GCNT2: variants seen among roughly 807,000 people sequenced by gnomAD.
The protein encoded by GCNT2 is glucosaminyl (N-acetyl) transferase 2 (I blood group), also known as N-acetyllactosaminide beta-1,6-N-acetylglucosaminyl-transferase.
GCNT2 carries 34 observed loss-of-function variants against 34.2 expected under a neutral mutation model. The ratio of observed to expected loss-of-function variants is 1.00; its 90% CI spans 0.76 to 1.32. GCNT2 has a LOEUF of 1.32. Ranked by LOEUF, GCNT2 falls within the 40% of genes most tolerant of loss-of-function variation. GCNT2 has a pLI of 0.00. For synonymous variants in GCNT2, 212 were observed against 188.0 expected, an observed-to-expected ratio of 1.13 and a Z score of -1.04; for missense variants, 584 against 489.4, an observed-to-expected ratio of 1.19 and a Z score of -1.82.
In GCNT2 at chr6:10,628,427, A is replaced by G. The variant is rs1766355605; in HGVS notation, c.*1820A>G. ...ACCTTTTTTCTTGCTACTGAAAAAA[A>G]TGGAGTTGTTTTGGGTGGTAAAGTG... On this transcript the variant is annotated 3_prime_UTR_variant, in exon 5 of 5. Transcript: ENST00000495262. 6.6e-6 allele frequency: 1 copy of G among 152,144 alleles called. No individual in the cohort carries two copies. Among genetic ancestry groups the G allele is most frequent in the Admixed American group, 6.6e-5 (1 of 15,266 alleles). 9.4% of individuals were successfully genotyped at this position (152,144 alleles called of 1,614,324 possible).
Position 10,540,587 on chromosome 6 carries a change from C to T in GCNT2, c.925+10751C>T, listed in dbSNP as rs372256892. Among the ~76,000 whole-genome samples, 20 of 152,102 alleles carry T rather than the reference C, an allele frequency of 1.3e-4. No individual in the cohort carries two copies. In the East Asian group the frequency reaches 3.9e-3, roughly 29 times the overall value. On this transcript the variant is annotated intron_variant, in intron 3 of 4. Coordinates refer to ENST00000495262, the MANE Select transcript of GCNT2 (RefSeq NM_145649.5). ...AGCACACCAAATGTGAGCAGGCAAC[C>T]TAATGATTGGCCCAGGACCTAGACT...
intron 3 of GCNT2, chr6:10,573,083 C>A: frequency 1.8e-6 from 1 of 568,950 alleles, no homozygotes; most frequent in Non-Finnish European, 2.2e-6. Flanking sequence ...TGCAAGAAAT[C>A]ACTGCCTATC....
chr6:10,529,795 G>T lies in GCNT2; in HGVS notation c.884G>T (p.Ser295Ile). 6.2e-7 allele frequency: 1 copy of T among 1,614,112 alleles called. No homozygotes were observed. The highest frequency in any genetic ancestry group is 8.5e-7 in the Non-Finnish European group (1 of 1,179,988). ...DLLSWSKDTYSPDEHFWVTLN... is the reference protein window; with the variant it reads ...DLLSWSKDTYIPDEHFWVTLN... ...CTCTCCTGGTCCAAGGACACCTACA[G>T]CCCCGACGAACATTTCTGGGTGACA... is the stretch of plus-strand genomic sequence containing the variant. Residue 295 changes from serine to isoleucine, a missense_variant, in exon 3 of 5, where the codon AGC (serine) becomes ATC (isoleucine). Coordinates refer to ENST00000495262, the MANE Select transcript of GCNT2 (RefSeq NM_145649.5).
intron 3 of GCNT2, chr6:10,557,055 A>G: frequency 6.2e-7 from 1 of 1,610,154 alleles, no homozygotes; most frequent in South Asian, 1.1e-5. Context: ...TTTAAAGGTA[A>G]AAATATCACC....
intron 3 of GCNT2, chr6:10,586,102 G>C: frequency 6.2e-7 from 1 of 1,614,182 alleles, no homozygotes; most frequent in Non-Finnish European, 8.5e-7. Context: ...AAGCTGAACA[G>C]TTCCAGTGAA....
intron 3 of GCNT2, among the ~76,000 whole-genome samples, chr6:10,561,889 A>AT (rs1763002023): frequency 6.7e-6 from 1 of 148,174 alleles, no homozygotes; most frequent in Non-Finnish European, 1.5e-5. Context: ...CCATTTCCTC[A>AT]TTTTTTAATT....
At chr6:10,538,781 A>C (rs1761904293) in intron 3 of GCNT2, among the ~76,000 whole-genome samples, 2 of 152,196 alleles carry the variant, frequency 1.3e-5, no homozygotes, top group African/African-American at 4.8e-5. Context: ...GTATATAAAT[A>C]GTTTTGCTTT....
intron 3 of GCNT2, among the ~76,000 whole-genome samples, chr6:10,532,777 A>G (rs983681976): frequency 6.6e-6 from 1 of 152,214 alleles, no homozygotes; most frequent in African/African-American, 2.4e-5. Flanking sequence ...GACCTGAGGC[A>G]GGGCTGAATG....
chr6:10,583,399 A>T (rs1013935229), intron 3 of GCNT2, among the ~76,000 whole-genome samples: 1 of 152,160 alleles, frequency 6.6e-6, no homozygotes, highest in African/African-American at 2.4e-5. Context: ...TGACTACAGG[A>T]GTGAGATGGG....
At chr6:10,556,848 T>A in intron 3 of GCNT2, 1 of 1,614,124 alleles carries the variant, frequency 6.2e-7, no homozygotes, top group South Asian at 1.1e-5. Context: ...GAGCAACTAT[T>A]AAGCTGCTTC....
chr6:10,536,003 C>T (rs80046324), intron 3 of GCNT2, among the ~76,000 whole-genome samples: 2,259 of 152,264 alleles, frequency 0.015, 32 homozygotes, highest in Non-Finnish European at 0.024. Context: ...ACTGGCCTTA[C>T]TCTTTGTCAC....
chr6:10,541,710 G>A (rs961573975), intron 3 of GCNT2, among the ~76,000 whole-genome samples: 2 of 152,128 alleles, frequency 1.3e-5, no homozygotes, highest in Non-Finnish European at 1.5e-5. Context: ...GGGAATTCAA[G>A]GGACTCTGAA....
In GCNT2 at chr6:10,582,568, TTAAA is replaced by T. The variant is rs1400867979; in HGVS notation, c.926-38780_926-38777del. Reference sequence around the variant, plus strand: ...CATGTATAATATATATCATATATATTTAAATATATATAAACTATATATAAAATAT... The same window carrying T: ...CATGTATAATATATATCATATATATTTATATATAAACTATATATAAAATAT... On this transcript the variant is annotated intron_variant, in intron 3 of 4. Transcript: ENST00000495262. Among the ~76,000 whole-genome samples the T allele has an allele frequency of 1.1e-4, 15 of 137,922 alleles. No homozygotes were observed. The South Asian group carries it at 3.0e-3, about 27-fold the overall frequency. 90.5% of individuals were successfully genotyped at this position (137,922 alleles called of 152,430 possible). A position where few individuals can be genotyped will look rare whatever the true frequency, so the allele number is the denominator to read the frequency against.
At chr6:10,532,178 C>G (rs1761526775) in intron 3 of GCNT2, among the ~76,000 whole-genome samples, 2 of 152,174 alleles carry the variant, frequency 1.3e-5, no homozygotes, top group Middle Eastern at 3.4e-3. Flanking sequence ...CGAGTCCCTT[C>G]CCACTCTCAG....
chr6:10,575,358 ATTT>A (rs55639937), intron 3 of GCNT2: 148 of 137,898 alleles, frequency 1.1e-3, no homozygotes, highest in South Asian at 1.9e-3. Flanking sequence ...CTGGGTTGAC[ATTT>A]TTTTTTTTTT....
At chr6:10,536,173 G>T (rs1761741498) in intron 3 of GCNT2, among the ~76,000 whole-genome samples, 1 of 152,138 alleles carries the variant, frequency 6.6e-6, no homozygotes, top group South Asian at 2.1e-4. Context: ...CAGGGATGTG[G>T]CTGGGATCTT....
chr6:10,549,222 A>C (rs946280290), intron 3 of GCNT2, among the ~76,000 whole-genome samples: 31 of 152,322 alleles, frequency 2.0e-4, no homozygotes, highest in African/African-American at 7.0e-4. Flanking sequence ...CAAAATGCCA[A>C]TAGTGCCCAC....
intron 3 of GCNT2, among the ~76,000 whole-genome samples, chr6:10,620,352 A>G (rs367682457): frequency 6.6e-6 from 1 of 151,820 alleles, no homozygotes; most frequent in East Asian, 1.9e-4. Flanking sequence ...AAAGCAAAGT[A>G]TTTCTCTTTT....
At position 10,580,668 on chromosome 6, in the gene GCNT2, G is replaced by A. The variant is rs78483185; in HGVS notation, c.926-40683G>A. Among the ~76,000 whole-genome samples, 144 of 152,058 alleles carry A rather than the reference G, an allele frequency of 9.5e-4. 1 individual carries two copies. Among genetic ancestry groups the A allele is most frequent in the African/African-American group, 3.0e-3 (126 of 41,472 alleles). ...CATTCTGCAGAGGGTGATGAAGAAC[G>A]GCAAGGATTTGAGAGTAGGTCCGAC... On this transcript the variant is annotated intron_variant, in intron 3 of 4. Transcript: ENST00000495262.
Sources: allele counts gnomAD v4.1 joint callset (sites outside exome capture counted in the v4.1 genomes callset), GRCh38; gene constraint gnomAD v4.1.1; transcripts MANE v1.5; gene names NCBI Gene and HGNC (gene_info 2026-07-23, HGNC 2026-07-21).